The following POC1B variants were observed in gnomAD, a reference collection of about 807,000 sequenced individuals.
The protein encoded by POC1B is POC1 centriolar protein homolog B.
A neutral mutation model predicts 60.6 loss-of-function variants in POC1B; 44 were observed. That is an observed-to-expected ratio of 0.73 (90% CI 0.57 to 0.93). The LOEUF is 0.93. Ranked by LOEUF, POC1B falls within the 40% of genes least tolerant of loss-of-function variation. The probability of loss-of-function intolerance (pLI) is 0.00; values close to 1 mark genes in which losing one functional copy is unlikely to be tolerated. For missense variants in POC1B, 555 were observed against 572.3 expected (o/e 0.97, Z 0.31); for synonymous variants, 180 against 198.9 (o/e 0.90, Z 0.80).
intron 4 of POC1B, among the ~76,000 whole-genome samples, chr12:89,491,536 A>G (rs968266707): frequency 6.6e-6 from 1 of 151,488 alleles, no homozygotes; most frequent in Non-Finnish European, 1.5e-5. Flanking sequence ...AGGTAGGAGA[A>G]TCACCTGAAC....
At chr12:89,418,879 G>C (rs1460706835), downstream of POC1B, among the ~76,000 whole-genome samples, 2 of 152,090 alleles carry the variant, frequency 1.3e-5, no homozygotes, top group Non-Finnish European at 2.9e-5. Flanking sequence ...TCCAGCCTCA[G>C]GTATTCCTCT....
intron 9 of POC1B, chr12:89,461,948 T>C (rs1421204693): frequency 6.6e-6 from 1 of 152,186 alleles, no homozygotes; most frequent in Non-Finnish European, 1.5e-5. Context: ...TTTTATTCTC[T>C]TTTATCTACT....
rs776025659 is a variant in POC1B, at chr12:89,471,768, CT to C, written c.561-40del. 0.13 allele frequency: 103,803 copies of C among 804,244 alleles called. 80 individuals are homozygous for C. The highest frequency in any genetic ancestry group is 0.14 in the East Asian group (4,381 of 30,604). 49.8% of individuals were successfully genotyped at this position (804,244 alleles called of 1,614,324 possible). A position where few individuals can be genotyped will look rare whatever the true frequency, so the allele number is the denominator to read the frequency against. On this transcript the variant is annotated intron_variant, in intron 5 of 11. Transcript: ENST00000313546. ...ATAAGATGACCTAATATTTCAATTTCTTTTTTTTTTTTTTTTGAGACGGAAT... is the reference window on the plus strand; with the variant it reads ...ATAAGATGACCTAATATTTCAATTTCTTTTTTTTTTTTTTTGAGACGGAAT...
At chr12:89,490,052 G>A (rs565058145) in intron 4 of POC1B, among the ~76,000 whole-genome samples, 1 of 152,268 alleles carries the variant, frequency 6.6e-6, no homozygotes, top group African/African-American at 2.4e-5. Context: ...CAGGGACCTG[G>A]GTACCAGCAC....
In POC1B at chr12:89,509,920, A is replaced by C. The variant is rs576010798; in HGVS notation, c.101-12578T>G. Among the ~76,000 whole-genome samples, 15 of 152,294 alleles carry C rather than the reference A, an allele frequency of 9.8e-5. No individual in the cohort carries two copies. In the South Asian group the frequency reaches 2.7e-3, roughly 27 times the overall value. On this transcript the variant is annotated intron_variant, in intron 2 of 11. Coordinates refer to ENST00000313546, the MANE Select transcript of POC1B (RefSeq NM_172240.3). ...GAGTGCCGTGGGGCGATTTTGGCTC[A>C]CTGCAACCTCTGCCTCCCGGGTTCA...
At chr12:89,517,742 A>T (rs1368950802) in intron 2 of POC1B, among the ~76,000 whole-genome samples, 1 of 152,052 alleles carries the variant, frequency 6.6e-6, no homozygotes, top group Non-Finnish European at 1.5e-5. Flanking sequence ...CTTGTTAATT[A>T]TTTGTCTCCA....
chr12:89,459,457 C>A (rs963426598), intron 10 of POC1B, among the ~76,000 whole-genome samples, 181 bp downstream of exon 10: 4 of 150,734 alleles, frequency 2.7e-5, no homozygotes, highest in African/African-American at 9.8e-5. Context: ...CTGCTCCCCC[C>A]TTGTGGTAAA....
chr12:89,475,361 C>T (rs1018691698), intron 4 of POC1B, among the ~76,000 whole-genome samples: 2 of 152,070 alleles, frequency 1.3e-5, no homozygotes, highest in Admixed American at 1.3e-4. Flanking sequence ...CAGAAGGAGG[C>T]GAGGTTTCTA....
At chr12:89,427,299 A>G (rs559776355) in intron 10 of POC1B, 1 of 152,348 alleles carries the variant, frequency 6.6e-6, no homozygotes, top group Admixed American at 6.5e-5. Flanking sequence ...TCTGGAAAGA[A>G]TTATCTTTTT....
chr12:89,431,031 T>C (rs1263458725), intron 10 of POC1B, among the ~76,000 whole-genome samples: 2 of 152,112 alleles, frequency 1.3e-5, no homozygotes, highest in Non-Finnish European at 2.9e-5. Context: ...TTCAAATCAC[T>C]GGTAGATTTT....
chr12:89,474,065 G>A (rs1161946953), intron 4 of POC1B, among the ~76,000 whole-genome samples: 1 of 152,078 alleles, frequency 6.6e-6, no homozygotes, highest in Admixed American at 6.6e-5. Flanking sequence ...AATTAGTGGG[G>A]CATGGTGGCA....
At chr12:89,459,943 A>C (rs570218517) in intron 9 of POC1B, 5 of 492,772 alleles carry the variant, frequency 1.0e-5, no homozygotes, top group Non-Finnish European at 1.5e-5. Flanking sequence ...CCCAGAAATA[A>C]AAGGTTTTCA....
the POC1B span, among the ~76,000 whole-genome samples, chr12:89,407,154 A>G: frequency 3.3e-5 from 5 of 150,502 alleles, no homozygotes; most frequent in Admixed American, 3.3e-4. Context: ...GTCTCAAAAA[A>G]AAAAAAAAAA....
chr12:89,518,205 T>G (rs1870556464), intron 2 of POC1B, among the ~76,000 whole-genome samples: 1 of 152,118 alleles, frequency 6.6e-6, no homozygotes, highest in African/African-American at 2.4e-5. Context: ...CCTTTTACAG[T>G]AATCTCCACC....
rs75156590 is a variant in POC1B at position 89,516,041 on chromosome 12, T to A, written c.100+9079A>T. ...CAACCCCCAAACAGATTGGAAACAC[T>A]ATAAATTTGATAACTAAGTTCACAT... On this transcript the variant is annotated intron_variant, in intron 2 of 11. Coordinates refer to ENST00000313546, the MANE Select transcript of POC1B (RefSeq NM_172240.3). Among the ~76,000 whole-genome samples the A allele has an allele frequency of 5.1e-3, 781 of 152,266 alleles. 10 individuals are homozygous for A. Among genetic ancestry groups the A allele is most frequent in the African/African-American group, 0.018 (732 of 41,536 alleles).
intron 10 of POC1B, among the ~76,000 whole-genome samples, chr12:89,438,986 T>C (rs1456748953): frequency 6.6e-6 from 1 of 152,216 alleles, no homozygotes; most frequent in Non-Finnish European, 1.5e-5. Flanking sequence ...TGGCACATCA[T>C]TGTATAAGCT....
At chr12:89,520,074 T>TAAATATGA in intron 2 of POC1B, 1 of 152,156 alleles carries the variant, frequency 6.6e-6, no homozygotes, top group African/African-American at 2.4e-5. Flanking sequence ...GGAACGTGCC[T>TAAATATGA]AAATATGAAA....
At position 89,503,949 on chromosome 12, in the gene POC1B, G is replaced by A. The variant is rs558834140; in HGVS notation, c.101-6607C>T. On this transcript the variant is annotated intron_variant, in intron 2 of 11. Coordinates refer to ENST00000313546, the MANE Select transcript of POC1B (RefSeq NM_172240.3). Reference sequence around the variant, plus strand: ...AGCCACCCTGTCTGGGAAGTGAGGAGCGTCTCCGCCCGGCAGCCGCCCCGT... The same window carrying A: ...AGCCACCCTGTCTGGGAAGTGAGGAACGTCTCCGCCCGGCAGCCGCCCCGT... Among the ~76,000 whole-genome samples the A allele has an allele frequency of 3.6e-3, 544 of 149,680 alleles. 23 individuals carry two copies. Among genetic ancestry groups the A allele is most frequent in the Non-Finnish European group, 5.9e-3 (393 of 66,948 alleles).
chr12:89,441,412 G>A (rs900578098), intron 10 of POC1B, among the ~76,000 whole-genome samples: 9 of 152,174 alleles, frequency 5.9e-5, no homozygotes, highest in Admixed American at 2.6e-4. Flanking sequence ...CCTCTGAGAC[G>A]AAGCTTCCAG....
Sources: allele counts gnomAD v4.1 joint callset (sites outside exome capture counted in the v4.1 genomes callset), GRCh38; gene constraint gnomAD v4.1.1; transcripts MANE v1.5; gene names NCBI Gene and HGNC (gene_info 2026-07-23, HGNC 2026-07-21).